The following DOCK8 variants were observed in gnomAD, a reference collection of about 807,000 sequenced individuals.
DOCK8 encodes the protein dedicator of cytokinesis protein 8.
DOCK8 carries 141 observed loss-of-function variants against 245.6 expected under a neutral mutation model. That is an observed-to-expected ratio of 0.57 (90% confidence interval 0.50 to 0.66). The LOEUF (loss-of-function observed/expected upper bound fraction) is 0.66, where lower values mean the gene tolerates loss of function less well. DOCK8 is among the 30% of genes least tolerant of loss of function. The pLI is 0.00. For synonymous variants in DOCK8, 1,168 were observed against 970.2 expected (o/e 1.20, Z -3.79); for missense variants, 2,965 against 2,603.4 (o/e 1.14, Z -3.02).
At chr9:319,632 C>T (rs891439967) in intron 7 of DOCK8, among the ~76,000 whole-genome samples, 1 of 152,056 alleles carries the variant, frequency 6.6e-6, no homozygotes, top group African/African-American at 2.4e-5. Context: ...ATGTAGGATT[C>T]TATTCATAAT....
chr9:279,486 G>A (rs2048488256), intron 2 of DOCK8, among the ~76,000 whole-genome samples: 1 of 152,210 alleles, frequency 6.6e-6, no homozygotes, highest in African/African-American at 2.4e-5. Context: ...GGAAAACCTA[G>A]TAAAAGTGGT....
At chr9:279,070 C>G (rs544734643) in intron 2 of DOCK8, among the ~76,000 whole-genome samples, 2 of 152,140 alleles carry the variant, frequency 1.3e-5, no homozygotes, top group African/African-American at 4.8e-5. Context: ...GGATATATTT[C>G]AGAAGAAAGT....
chr9:407,193 T>G lies in DOCK8; in HGVS notation c.3530+124T>G, dbSNP rs2055472290. 15 of 1,412,214 alleles carry G rather than the reference T, an allele frequency of 1.1e-5. No individual in the cohort carries two copies. The South Asian group carries it at 1.2e-4, about 12-fold the overall frequency. The allele number at this position is 1,412,214 out of a possible 1,614,324, so 87.5% of individuals were successfully genotyped here. A position where few individuals can be genotyped will look rare whatever the true frequency, so the allele number is the denominator to read the frequency against. On this transcript the variant is annotated intron_variant, in intron 28 of 47. Coordinates refer to ENST00000432829, the MANE Select transcript of DOCK8 (RefSeq NM_203447.4). The stretch of plus-strand genomic sequence containing the variant: ...ACTGTAGTTGACCAGTTCTGAGGAG[T>G]AGAAACATCTGTCTTGAGAATATGG...
rs540664883 is a variant in DOCK8, at chr9:230,998, T to A, written c.53+15969T>A. ...GCCCATGCCTATGTCCTGAATGGTA[T>A]TGCCTAGGTTTTCTTCTAGGGTTTT... On this transcript the variant is annotated intron_variant, in intron 1 of 47. Transcript: ENST00000432829. Among the ~76,000 whole-genome samples the A allele has an allele frequency of 1.1e-4, 16 of 152,182 alleles. No individual in the cohort carries two copies. In the East Asian group the frequency reaches 2.5e-3, roughly 24 times the overall value.
chr9:271,128 C>T (rs900859997), intron 1 of DOCK8, among the ~76,000 whole-genome samples: 10 of 152,174 alleles, frequency 6.6e-5, no homozygotes, highest in Admixed American at 2.0e-4. Flanking sequence ...CCTGTAGCAT[C>T]GAAGGTGCCT....
chr9:215,394 C>G (rs754505563), intron 1 of DOCK8: 3 of 1,566,602 alleles, frequency 1.9e-6, no homozygotes, highest in Non-Finnish European at 2.6e-6. Flanking sequence ...CGGAGTGTCT[C>G]ATAAACGGCT....
intron 2 of DOCK8, among the ~76,000 whole-genome samples, chr9:275,296 T>G (rs1160412096): frequency 2.0e-5 from 3 of 152,220 alleles, no homozygotes; most frequent in Non-Finnish European, 4.4e-5. Flanking sequence ...AAGGGCTTTA[T>G]GATCCATTTG....
At chr9:342,457 TG>T (rs1249390356) in intron 14 of DOCK8, among the ~76,000 whole-genome samples, 11 of 115,034 alleles carry the variant, frequency 9.6e-5, no homozygotes, top group African/African-American at 3.3e-4. Context: ...TGGGTTTTTT[TG>T]GGGTTTTTTT....
chr9:343,911 C>G (rs981217273), intron 14 of DOCK8, among the ~76,000 whole-genome samples: 1 of 152,246 alleles, frequency 6.6e-6, no homozygotes. Flanking sequence ...ACAATGTTCT[C>G]TACTCGTTCC....
rs2057086166 is a variant in DOCK8 at position 441,277 on chromosome 9, C to T, written c.5224-9C>T. The T allele has an allele frequency of 6.2e-7, 1 of 1,614,146 alleles. No individual in the cohort carries two copies. Among genetic ancestry groups the T allele is most frequent in the Non-Finnish European group, 8.5e-7 (1 of 1,180,008 alleles). ...AAATTCTCTCTGATGCTCTTCTCCT[C>T]TTTCCAAGGGAGGCTTATATGAGAC... is the stretch of plus-strand genomic sequence containing the variant. On this transcript the variant is annotated splice_polypyrimidine_tract_variant and intron_variant, in intron 40 of 47. Transcript: ENST00000432829.
rs1475703240 is a variant in DOCK8 at position 400,949 on chromosome 9, A to ACCT, written c.3234+1692_3234+1693insTCC. Among the ~76,000 whole-genome samples the ACCT allele has an allele frequency of 3.7e-4, 42 of 113,450 alleles. 6 individuals carry two copies. The highest frequency in any genetic ancestry group is 5.9e-4 in the Admixed American group (7 of 11,964). The allele number at this position is 113,450 out of a possible 152,430, so 74.4% of individuals were successfully genotyped here. On this transcript the variant is annotated intron_variant, in intron 26 of 47. Transcript: ENST00000432829. ...CACCACAACATCCACCACCACCATCACCACCACCACCACCACCTCCTCCAC... is the reference window on the plus strand; with the variant it reads ...CACCACAACATCCACCACCACCATCACCTCCACCACCACCACCACCTCCTCCAC...
chr9:263,246 T>G (rs1330733363), intron 1 of DOCK8, among the ~76,000 whole-genome samples: 1 of 151,604 alleles, frequency 6.6e-6, no homozygotes, highest in Non-Finnish European at 1.5e-5. Context: ...TGGGTATAAA[T>G]GTTCAATCCT....
intron 24 of DOCK8, among the ~76,000 whole-genome samples, chr9:393,337 C>A (rs1045875769): frequency 6.8e-6 from 1 of 147,468 alleles, no homozygotes; most frequent in African/African-American, 2.5e-5. Flanking sequence ...GTTGGCATAC[C>A]AATGGGAGAA....
At chr9:277,530 GACCCTGTCTCA>G (rs2048408569) in intron 2 of DOCK8, among the ~76,000 whole-genome samples, 1 of 147,708 alleles carries the variant, frequency 6.8e-6, no homozygotes, top group African/African-American at 2.7e-5. Context: ...AGAGTTAGGA[GACCCTGTCTCA>G]GAGGAAAGGA....
chr9:229,346 G>C (rs2047056102), intron 1 of DOCK8, among the ~76,000 whole-genome samples: 1 of 152,180 alleles, frequency 6.6e-6, no homozygotes, highest in African/African-American at 2.4e-5. Context: ...GTTACCAAGT[G>C]AGTCATGCTT....
intron 5 of DOCK8, among the ~76,000 whole-genome samples, chr9:306,275 G>A (rs1455446014): frequency 6.6e-6 from 1 of 152,068 alleles, no homozygotes; most frequent in Non-Finnish European, 1.5e-5. Context: ...TACTTACTTG[G>A]AGCTTCACAG....
chr9:260,108 C>T (rs1242219129), intron 1 of DOCK8, among the ~76,000 whole-genome samples: 2 of 152,200 alleles, frequency 1.3e-5, no homozygotes, highest in Non-Finnish European at 2.9e-5. Flanking sequence ...CAGCCCTGCC[C>T]TCTCAAGCCT....
chr9:257,807 GC>G (rs1260397240), intron 1 of DOCK8, among the ~76,000 whole-genome samples: 1 of 152,114 alleles, frequency 6.6e-6, no homozygotes, highest in Admixed American at 6.5e-5. Context: ...GTGAGCCACC[GC>G]GCCCAGCCAG....
chr9:403,944 G>GTATATATA (rs1438346867), intron 26 of DOCK8, among the ~76,000 whole-genome samples: 2 of 68,360 alleles, frequency 2.9e-5, no homozygotes, highest in African/African-American at 1.8e-4. Context: ...ATATATATAT[G>GTATATATA]TGTATATATA....
Sources: allele counts gnomAD v4.1 joint callset (sites outside exome capture counted in the v4.1 genomes callset), GRCh38; gene constraint gnomAD v4.1.1; transcripts MANE v1.5; gene names NCBI Gene and HGNC (gene_info 2026-07-23, HGNC 2026-07-21).